SORCS1: variants seen among roughly 807,000 people sequenced by gnomAD.
The protein encoded by SORCS1 is sortilin related VPS10 domain containing receptor 1, also known as VPS10 domain-containing receptor SorCS1.
A neutral mutation model predicts 146.1 loss-of-function variants in SORCS1; 60 were observed. That is an observed-to-expected ratio of 0.41 (90% CI 0.33 to 0.51). SORCS1 has a LOEUF of 0.51. SORCS1 is among the 20% of genes least tolerant of loss of function. The pLI is 0.21. For synonymous variants in SORCS1, 637 were observed against 584.0 expected, an observed-to-expected ratio of 1.09 and a Z score of -1.31; for missense variants, 1,352 against 1,487.6, an observed-to-expected ratio of 0.91 and a Z score of 1.50.
At chr10:107,152,178 G>A (rs1347013965) in intron 1 of SORCS1, among the ~76,000 whole-genome samples, 3 of 152,208 alleles carry the variant, frequency 2.0e-5, no homozygotes, top group Non-Finnish European at 4.4e-5. Flanking sequence ...TGTTAGCCCT[G>A]TGGGTGTGCA....
chr10:106,983,659 C>T (rs1211811355), intron 1 of SORCS1, among the ~76,000 whole-genome samples: 1 of 152,148 alleles, frequency 6.6e-6, no homozygotes, highest in Non-Finnish European at 1.5e-5. Context: ...GATTTTGCCC[C>T]TATTTTGTAG....
Position 106,865,578 on chromosome 10 carries a change from A to C in SORCS1, c.627-35905T>G, listed in dbSNP as rs920228198. On this transcript the variant is annotated intron_variant, in intron 2 of 25. Transcript: ENST00000263054. Reference sequence around the variant, plus strand: ...ATCTCTACTAAAAATACAAAAAATTAGCCAGGCGTGGCAGCGGGCACCTGT... The same window carrying C: ...ATCTCTACTAAAAATACAAAAAATTCGCCAGGCGTGGCAGCGGGCACCTGT... 4.3e-4 allele frequency among the ~76,000 whole-genome samples: 65 copies of C among 151,854 alleles called. 2 individuals carry two copies. The highest frequency in any genetic ancestry group is 1.5e-5 in the Non-Finnish European group (1 of 67,966).
At chr10:106,704,429 C>T (rs1164328842) in intron 8 of SORCS1, among the ~76,000 whole-genome samples, 10 of 152,140 alleles carry the variant, frequency 6.6e-5, no homozygotes, top group African/African-American at 1.2e-4. Context: ...CAGTGGCTCA[C>T]ACCTGTAATC....
At chr10:106,627,545 C>A (rs762560200) in intron 19 of SORCS1, among the ~76,000 whole-genome samples, 1 of 152,144 alleles carries the variant, frequency 6.6e-6, no homozygotes, top group Non-Finnish European at 1.5e-5. Context: ...ATGATCATTT[C>A]TATGATACCA....
intron 1 of SORCS1, among the ~76,000 whole-genome samples, chr10:107,103,559 G>C (rs1965097101): frequency 6.6e-6 from 1 of 152,170 alleles, no homozygotes; most frequent in Admixed American, 6.5e-5. Context: ...GAGTGCCTAA[G>C]GCTTGAAAAC....
intron 2 of SORCS1, among the ~76,000 whole-genome samples, chr10:106,954,827 C>A (rs79581857): frequency 6.6e-6 from 1 of 152,172 alleles, no homozygotes; most frequent in African/African-American, 2.4e-5. Flanking sequence ...TGGGACTACC[C>A]GCCTTCTGGT....
intron 5 of SORCS1, among the ~76,000 whole-genome samples, chr10:106,745,409 TAA>T (rs540857234): frequency 8.3e-5 from 9 of 108,348 alleles, no homozygotes; most frequent in Admixed American, 2.9e-4. Flanking sequence ...AGACAACGTC[TAA>T]AAAAAAAAAA....
At chr10:106,646,806 G>A (rs1323971497) in intron 18 of SORCS1, among the ~76,000 whole-genome samples, 1 of 151,726 alleles carries the variant, frequency 6.6e-6, no homozygotes, top group Non-Finnish European at 1.5e-5. Context: ...TTCCCATATG[G>A]ATATTCAAAA....
intron 8 of SORCS1, among the ~76,000 whole-genome samples, chr10:106,703,345 G>C (rs1275540574): frequency 6.6e-6 from 1 of 151,980 alleles, no homozygotes; most frequent in Non-Finnish European, 1.5e-5. Context: ...GAGACAACTA[G>C]ATCCATACTA....
At chr10:107,157,711 C>T (rs533089597) in intron 1 of SORCS1, among the ~76,000 whole-genome samples, 2 of 152,304 alleles carry the variant, frequency 1.3e-5, no homozygotes, top group East Asian at 1.9e-4. Flanking sequence ...TCATTCTAAA[C>T]GTTGCACTCT....
intron 1 of SORCS1, among the ~76,000 whole-genome samples, chr10:107,004,199 A>T (rs540290239): frequency 6.8e-6 from 1 of 148,016 alleles, no homozygotes; most frequent in Non-Finnish European, 1.5e-5. Flanking sequence ...AAAAAAAAAA[A>T]GCAGAGAATA....
intron 8 of SORCS1, 108 bp downstream of exon 8, chr10:106,706,437 A>C (rs1299968526): frequency 9.2e-7 from 1 of 1,081,326 alleles, no homozygotes; most frequent in East Asian, 2.4e-5. Context: ...GAGAGATGTA[A>C]AGAAAACATG....
chr10:106,998,860 A>C (rs569375222), intron 1 of SORCS1, among the ~76,000 whole-genome samples: 25 of 152,372 alleles, frequency 1.6e-4, no homozygotes, highest in East Asian at 5.8e-4. Context: ...TAAAGCTAAC[A>C]GTCTCTAGAG....
At chr10:106,592,682 A>C (rs946021705) in intron 24 of SORCS1, among the ~76,000 whole-genome samples, 1 of 151,004 alleles carries the variant, frequency 6.6e-6, no homozygotes, top group Non-Finnish European at 1.5e-5. Flanking sequence ...TTTTTCTTTT[A>C]ATTTTTATTT....
At chr10:106,983,012 A>G (rs1173583257) in intron 1 of SORCS1, among the ~76,000 whole-genome samples, 5 of 151,744 alleles carry the variant, frequency 3.3e-5, no homozygotes, top group Non-Finnish European at 7.4e-5. Flanking sequence ...ATGATATACC[A>G]AAGGTGCTTA....
intron 2 of SORCS1, among the ~76,000 whole-genome samples, chr10:106,882,835 T>C (rs2137748726): frequency 6.6e-6 from 1 of 152,274 alleles, no homozygotes; most frequent in Admixed American, 6.5e-5. Flanking sequence ...AGGCTTGGAT[T>C]TGGGGCTCTG....
At chr10:107,176,039 T>C in the SORCS1 span, among the ~76,000 whole-genome samples, 2 of 152,194 alleles carry the variant, frequency 1.3e-5, no homozygotes, top group South Asian at 4.1e-4. Context: ...TACACACATA[T>C]ATATGTGTAC....
At chr10:107,103,986 C>T (rs1314425683) in intron 1 of SORCS1, among the ~76,000 whole-genome samples, 12 of 152,166 alleles carry the variant, frequency 7.9e-5, no homozygotes, top group African/African-American at 2.7e-4. Context: ...TTTTCTTCTG[C>T]CTTAATGGAT....
intron 8 of SORCS1, among the ~76,000 whole-genome samples, chr10:106,700,637 C>A (rs554888334): frequency 1.3e-5 from 2 of 152,284 alleles, no homozygotes; most frequent in African/African-American, 2.4e-5. Context: ...TAACTACTAA[C>A]CTAAATTTCT....
Sources: gnomAD v4.1 joint callset for allele counts (sites outside exome capture counted in the v4.1 genomes callset) on GRCh38, gnomAD v4.1.1 for gene constraint, MANE v1.5 for transcripts, NCBI Gene and HGNC (gene_info 2026-07-23, HGNC 2026-07-21) for gene names.